COL24A1: variants seen among roughly 807,000 people sequenced by gnomAD.
The protein encoded by COL24A1 is collagen alpha-1(XXIV) chain.
Under a neutral mutation model 253.9 loss-of-function variants are expected in COL24A1, and 224 were observed. That is an observed-to-expected ratio of 0.88 (90% CI 0.79 to 0.99). The LOEUF is 0.99. Among genes scored for constraint, COL24A1 ranks in the 50% least tolerant of loss-of-function variants. The pLI is 0.00. For synonymous variants in COL24A1, 685 were observed against 673.7 expected, an observed-to-expected ratio of 1.02 and a Z score of -0.26; for missense variants, 2,131 against 2,068.5, an observed-to-expected ratio of 1.03 and a Z score of -0.59.
At chr1:86,123,041 G>T (rs1647623373) in intron 3 of COL24A1, among the ~76,000 whole-genome samples, 1 of 151,856 alleles carries the variant, frequency 6.6e-6, no homozygotes, top group South Asian at 2.1e-4. Flanking sequence ...ATGTCATTGT[G>T]GGAAAGTAAA....
rs185042266 is a variant in COL24A1, at chr1:86,072,486, C to T, written c.1708-8727G>A. Among the ~76,000 whole-genome samples, 253 of 152,276 alleles carry T rather than the reference C, an allele frequency of 1.7e-3. 5 individuals carry two copies. Among genetic ancestry groups the T allele is most frequent in the Admixed American group, 0.014 (218 of 15,292 alleles). ...GCATCTCTGAAAGAAAGGCAGCAGC[C>T]CCAGTCAGGGACTTATAGATAAAAC... is the stretch of plus-strand genomic sequence containing the variant. On this transcript the variant is annotated intron_variant, in intron 7 of 59. Transcript: ENST00000370571.
At chr1:85,837,972 C>G (rs1676200334) in intron 43 of COL24A1, among the ~76,000 whole-genome samples, 1 of 152,066 alleles carries the variant, frequency 6.6e-6, no homozygotes, top group South Asian at 2.1e-4. Context: ...AAAAATGACA[C>G]TGAATACGTT....
chr1:85,731,962 A>C (rs889494680), intron 59 of COL24A1, among the ~76,000 whole-genome samples: 40 of 152,276 alleles, frequency 2.6e-4, no homozygotes, highest in Non-Finnish European at 5.3e-4. Flanking sequence ...CACACACAAC[A>C]ACCACCACAA....
At chr1:86,038,090 T>C (rs1420741568) in intron 12 of COL24A1, among the ~76,000 whole-genome samples, 2 of 152,136 alleles carry the variant, frequency 1.3e-5, no homozygotes, top group African/African-American at 4.8e-5. Flanking sequence ...AATCTTATCA[T>C]GCTTCATGAA....
intron 14 of COL24A1, among the ~76,000 whole-genome samples, chr1:86,024,332 T>A (rs1177924219): frequency 6.6e-6 from 1 of 151,944 alleles, no homozygotes; most frequent in South Asian, 2.1e-4. Context: ...GTTTCATTCA[T>A]TTTTTTTATT....
At chr1:85,999,291 C>T (rs528198991) in intron 19 of COL24A1, among the ~76,000 whole-genome samples, 1 of 152,226 alleles carries the variant, frequency 6.6e-6, no homozygotes, top group Non-Finnish European at 1.5e-5. Flanking sequence ...CCTCATCAAT[C>T]TGGTGAACAG....
chr1:85,851,239 A>C (rs1677737952), intron 37 of COL24A1, among the ~76,000 whole-genome samples: 1 of 151,998 alleles, frequency 6.6e-6, no homozygotes, highest in Non-Finnish European at 1.5e-5. Context: ...GTTCTCCTGA[A>C]ACTTCTTTTT....
At chr1:86,078,563 A>C (rs565107534) in intron 7 of COL24A1, among the ~76,000 whole-genome samples, 18 of 152,282 alleles carry the variant, frequency 1.2e-4, no homozygotes, top group African/African-American at 4.3e-4. Flanking sequence ...AAACCTAAAG[A>C]TTCCACCAAC....
At chr1:85,811,316 T>C (rs1310790615) in intron 47 of COL24A1, among the ~76,000 whole-genome samples, 1 of 152,194 alleles carries the variant, frequency 6.6e-6, no homozygotes, top group Non-Finnish European at 1.5e-5. Flanking sequence ...AATACATTAA[T>C]TTGCTTCACT....
At chr1:85,871,305 C>A (rs1680453826) in intron 35 of COL24A1, among the ~76,000 whole-genome samples, 1 of 152,132 alleles carries the variant, frequency 6.6e-6, no homozygotes, top group South Asian at 2.1e-4. Flanking sequence ...TGAAACTATT[C>A]CAATCAACAG....
At chr1:85,755,917 A>ACC (rs1350560670) in intron 55 of COL24A1, among the ~76,000 whole-genome samples, 2 of 42,242 alleles carry the variant, frequency 4.7e-5, no homozygotes, top group African/African-American at 9.1e-5. Flanking sequence ...GAAAAAAAAA[A>ACC]AAACTTCTGT....
intron 55 of COL24A1, among the ~76,000 whole-genome samples, chr1:85,759,957 G>A (rs1666670840): frequency 1.3e-5 from 2 of 152,184 alleles, no homozygotes; most frequent in African/African-American, 4.8e-5. Context: ...ATTTGGGAAG[G>A]CAATTAATGA....
rs1175647278 is a variant in COL24A1, at chr1:85,861,649, T to C, written c.3300+6870A>G. 4.6e-5 allele frequency among the ~76,000 whole-genome samples: 7 copies of C among 152,194 alleles called. No individual in the cohort carries two copies. The East Asian group carries it at 1.2e-3, about 25-fold the overall frequency. ...CAGCACTATTTGGTGAAAAGACCAT[T>C]CTTTCTCTCACTGAATTGTCTTGGC... On this transcript the variant is annotated intron_variant, in intron 37 of 59. Transcript: ENST00000370571.
rs1450654473 is a variant in COL24A1 at position 85,874,663 on chromosome 1, C to T, written c.3124G>A (p.Glu1042Lys). Residue 1042 changes from glutamate (E) to lysine (K), a missense_variant, in exon 35 of 60, where the codon GAA (glutamate) becomes AAA (lysine). Transcript: ENST00000370571. ...GTAGSVGGTG[E>K]PGLRGEPGAP... is the part of the protein sequence containing the mutation. ...GGGGCACTCACCCGTAAACCTGGTT[C>T]CCCAGTTCCTCCAACACTGCCAGCA... is the stretch of plus-strand genomic sequence containing the variant. The T allele has an allele frequency of 1.2e-5, 19 of 1,612,448 alleles. No homozygotes were observed. The highest frequency in any genetic ancestry group is 1.6e-5 in the Non-Finnish European group (19 of 1,179,894).
chr1:85,856,240 G>A (rs1678426973), intron 37 of COL24A1, among the ~76,000 whole-genome samples: 1 of 151,974 alleles, frequency 6.6e-6, no homozygotes, highest in African/African-American at 2.4e-5. Flanking sequence ...TTTTGGGTTT[G>A]TTTTGCTCCT....
chr1:85,780,591 G>A (rs1218213318), intron 52 of COL24A1, among the ~76,000 whole-genome samples: 4 of 152,124 alleles, frequency 2.6e-5, no homozygotes, highest in African/African-American at 4.8e-5. Flanking sequence ...TGTAATCCAC[G>A]AGGTCTATCA....
intron 24 of COL24A1, among the ~76,000 whole-genome samples, chr1:85,945,234 G>C (rs1306143371): frequency 6.6e-6 from 1 of 150,994 alleles, no homozygotes; most frequent in East Asian, 2.0e-4. Flanking sequence ...AGCCAGGATG[G>C]TCTCCATCTC....
chr1:86,001,559 T>C (rs920497039), intron 19 of COL24A1, among the ~76,000 whole-genome samples: 1 of 152,222 alleles, frequency 6.6e-6, no homozygotes, highest in Non-Finnish European at 1.5e-5. Context: ...TTTCTGTTCA[T>C]TGCTGAAATG....
intron 20 of COL24A1, among the ~76,000 whole-genome samples, chr1:85,976,573 C>T (rs474832): frequency 0.26 from 38,989 of 151,992 alleles, 5,097 homozygotes; most frequent in Non-Finnish European, 0.28. Context: ...TCACAAAAGA[C>T]ATAAACTCTT....
Sources: allele counts gnomAD v4.1 joint callset (sites outside exome capture counted in the v4.1 genomes callset), GRCh38; gene constraint gnomAD v4.1.1; transcripts MANE v1.5; gene names NCBI Gene and HGNC (gene_info 2026-07-23, HGNC 2026-07-21).